Variants in PITPNC1 observed in about 807,000 individuals in gnomAD.
The protein encoded by PITPNC1 is phosphatidylinositol transfer protein cytoplasmic 1.
PITPNC1 carries 18 observed loss-of-function variants against 44.7 expected under a neutral mutation model. The ratio of observed to expected loss-of-function variants is 0.40; its 90% CI spans 0.28 to 0.60. PITPNC1 has a LOEUF of 0.60. Among genes scored for constraint, PITPNC1 ranks in the 20% least tolerant of loss-of-function variants. The probability of loss-of-function intolerance (pLI) is 0.39; values close to 1 mark genes in which losing one functional copy is unlikely to be tolerated. For synonymous variants in PITPNC1, 141 were observed against 149.6 expected, an observed-to-expected ratio of 0.94 and a Z score of 0.42; for missense variants, 290 against 418.4, an observed-to-expected ratio of 0.69 and a Z score of 2.68.
At chr17:67,669,755 T>C in intron 7 of PITPNC1, 92 bp downstream of exon 7, 1 of 899,602 alleles carries the variant, frequency 1.1e-6, no homozygotes, top group Non-Finnish European at 1.7e-6. Flanking sequence ...GGTGCACAAA[T>C]ACATCAGGTC....
chr17:67,551,341 A>G (rs1050940806), intron 2 of PITPNC1, among the ~76,000 whole-genome samples: 3 of 152,182 alleles, frequency 2.0e-5, no homozygotes, highest in Admixed American at 6.5e-5. Context: ...AAATTGCTGC[A>G]AATTAGGTGG....
Position 67,571,521 on chromosome 17 carries a change from GTCCT to G in PITPNC1, c.295-6663_295-6660del, listed in dbSNP as rs1286122428. 2.2e-3 allele frequency among the ~76,000 whole-genome samples: 329 copies of G among 152,346 alleles called. 2 individuals carry two copies. Among genetic ancestry groups the G allele is most frequent in the African/African-American group, 7.6e-3 (318 of 41,588 alleles). ...AGGAGTTGGAACCCAGGCTAGCTGG[GTCCT>G]TGGCTCAGGCAACTCACCAGGTAGA... On this transcript the variant is annotated intron_variant, in intron 4 of 8. Coordinates refer to ENST00000581322, the MANE Select transcript of PITPNC1 (RefSeq NM_012417.4).
rs371630329 is a variant in PITPNC1 at position 67,458,784 on chromosome 17, G to T, written c.49-74018G>T. On this transcript the variant is annotated intron_variant, in intron 1 of 8. Coordinates refer to ENST00000581322, the MANE Select transcript of PITPNC1 (RefSeq NM_012417.4). ...TTTTTTTCCGTGGGAATCTTACATG[G>T]TCTGATAGTGAGGCTCCTTCAGAAC... Among the ~76,000 whole-genome samples the T allele has an allele frequency of 8.5e-5, 13 of 152,118 alleles. No homozygotes were observed. In the East Asian group the frequency reaches 9.6e-4, roughly 11 times the overall value.
At chr17:67,603,431 T>C (rs2041567908) in intron 5 of PITPNC1, among the ~76,000 whole-genome samples, 1 of 152,208 alleles carries the variant, frequency 6.6e-6, no homozygotes. Context: ...AACCTGTCTT[T>C]AGATAGCCAC....
intron 2 of PITPNC1, among the ~76,000 whole-genome samples, chr17:67,534,731 T>TA (rs1198602615): frequency 6.6e-6 from 1 of 152,204 alleles, no homozygotes; most frequent in Non-Finnish European, 1.5e-5. Flanking sequence ...AAACAAGTCT[T>TA]ACGTCAGCCA....
rs1291327348 is a variant in PITPNC1, at chr17:67,578,219, G to A, written c.328G>A (p.Glu110Lys). Residue 110 changes from glutamate (E) to lysine (K), a missense_variant, in exon 5 of 9, where the codon GAA becomes AAA. Transcript: ENST00000581322. Reference protein sequence around the residue: ...SFLPKFSIHIETKYEDNKGSN... With the variant: ...SFLPKFSIHIKTKYEDNKGSN... ...TCTGCCGAAATTCTCCATTCATATA[G>A]AAACCAAGTATGAGGACAACAAAGG... 6.2e-7 allele frequency: 1 copy of A among 1,612,932 alleles called. No homozygotes were observed. Among genetic ancestry groups the A allele is most frequent in the Non-Finnish European group, 8.5e-7 (1 of 1,179,278 alleles).
intron 1 of PITPNC1, among the ~76,000 whole-genome samples, chr17:67,384,672 G>A (rs1000770797): frequency 6.6e-6 from 1 of 152,126 alleles, no homozygotes; most frequent in Admixed American, 6.6e-5. Context: ...TGATCTGCCC[G>A]CCTCGGCCTC....
chr17:67,614,145 C>A (rs986821223), intron 5 of PITPNC1, among the ~76,000 whole-genome samples: 7 of 151,582 alleles, frequency 4.6e-5, no homozygotes, highest in Non-Finnish European at 8.8e-5. Context: ...GGTGCTTTCC[C>A]TTCCTTGGTG....
intron 2 of PITPNC1, among the ~76,000 whole-genome samples, chr17:67,547,684 CA>C (rs2040703175): frequency 6.6e-6 from 1 of 152,070 alleles, no homozygotes. Context: ...GATCAGGTAC[CA>C]GGGGGAGTTT....
intron 1 of PITPNC1, among the ~76,000 whole-genome samples, chr17:67,410,558 G>T (rs751632749): frequency 6.6e-5 from 10 of 151,736 alleles, no homozygotes; most frequent in African/African-American, 1.7e-4. Context: ...TAATTTTTTT[G>T]ATTTTTTTGT....
At chr17:67,642,598 T>C (rs762941667) in intron 6 of PITPNC1, among the ~76,000 whole-genome samples, 20 of 152,360 alleles carry the variant, frequency 1.3e-4, no homozygotes, top group Middle Eastern at 3.4e-3. Flanking sequence ...ATAATTGGCA[T>C]GGCAACTCAC....
chr17:67,579,800 C>T (rs767091412), intron 5 of PITPNC1, among the ~76,000 whole-genome samples: 4 of 151,562 alleles, frequency 2.6e-5, no homozygotes, highest in African/African-American at 4.8e-5. Context: ...ATTAGCCGGG[C>T]GTGGTGGCGC....
At chr17:67,575,621 T>C (rs1383592555) in intron 4 of PITPNC1, among the ~76,000 whole-genome samples, 2 of 151,960 alleles carry the variant, frequency 1.3e-5, no homozygotes, top group East Asian at 3.9e-4. Context: ...AGCGTGGTCA[T>C]TGTGCGGCTG....
chr17:67,390,758 T>C (rs1485662735), intron 1 of PITPNC1, among the ~76,000 whole-genome samples: 2 of 152,188 alleles, frequency 1.3e-5, no homozygotes, highest in East Asian at 3.8e-4. Flanking sequence ...GAGGACACAC[T>C]GTCTTGGCCA....
At chr17:67,412,450 A>G (rs557698039) in intron 1 of PITPNC1, among the ~76,000 whole-genome samples, 1 of 152,306 alleles carries the variant, frequency 6.6e-6, no homozygotes, top group African/African-American at 2.4e-5. Context: ...TCATCCCTGT[A>G]ATTAGCCTCT....
chr17:67,391,566 C>T (rs1006801463), intron 1 of PITPNC1, among the ~76,000 whole-genome samples: 2 of 152,014 alleles, frequency 1.3e-5, no homozygotes, highest in African/African-American at 2.4e-5. Context: ...CTGCAACCTC[C>T]GCCTCCTGGG....
intron 1 of PITPNC1, among the ~76,000 whole-genome samples, chr17:67,520,746 T>C (rs2040315127): frequency 6.6e-6 from 1 of 152,156 alleles, no homozygotes; most frequent in Admixed American, 6.5e-5. Context: ...CAACTGCCCT[T>C]GTGGTTTCGA....
At chr17:67,478,430 G>A (rs532087322) in intron 1 of PITPNC1, among the ~76,000 whole-genome samples, 2 of 152,062 alleles carry the variant, frequency 1.3e-5, no homozygotes, top group African/African-American at 4.8e-5. Context: ...ACCTCTTTTC[G>A]GGAAACCAAG....
chr17:67,485,667 G>A (rs1055211468), intron 1 of PITPNC1, among the ~76,000 whole-genome samples: 2 of 152,034 alleles, frequency 1.3e-5, no homozygotes, highest in Non-Finnish European at 2.9e-5. Context: ...ATCTTTCTAC[G>A]GAAGAACAAC....
Sources: allele counts gnomAD v4.1 joint callset (sites outside exome capture counted in the v4.1 genomes callset), GRCh38; gene constraint gnomAD v4.1.1; transcripts MANE v1.5; gene names NCBI Gene and HGNC (gene_info 2026-07-23, HGNC 2026-07-21).